Variants in KLF8 observed in about 807,000 individuals in gnomAD.
KLF8 encodes the protein KLF transcription factor 8.
A neutral mutation model predicts 18.2 loss-of-function variants in KLF8; 10 were observed. That is an observed-to-expected ratio of 0.55 (90% CI 0.34 to 0.93). The LOEUF is 0.93. KLF8 is among the 40% of genes least tolerant of loss of function. The pLI is 0.02. For missense variants in KLF8, 264 were observed against 277.9 expected, an observed-to-expected ratio of 0.95 and a Z score of 0.36; for synonymous variants, 109 against 97.3, an observed-to-expected ratio of 1.12 and a Z score of -0.71.
At chrX:56,104,811 T>G in the KLF8 span, among the ~76,000 whole-genome samples, 1 of 111,624 alleles carries the variant, frequency 9.0e-6, no homozygotes, top group African/African-American at 3.3e-5. Context: ...GATGTTAGGG[T>G]GCCAATTTTA....
chrX:56,054,822 T>C, the KLF8 span, among the ~76,000 whole-genome samples: 2 of 112,235 alleles, frequency 1.8e-5, no homozygotes, highest in African/African-American at 3.2e-5. Context: ...CATTGAACCC[T>C]TTACCATCAC....
At chrX:55,989,375 C>A in the KLF8 span, among the ~76,000 whole-genome samples, 2 of 112,212 alleles carry the variant, frequency 1.8e-5, no homozygotes, top group Non-Finnish European at 3.8e-5. Flanking sequence ...GAGATAAGTC[C>A]CATCAATACC....
At chrX:56,129,265 G>T in the KLF8 span, among the ~76,000 whole-genome samples, 2 of 112,036 alleles carry the variant, frequency 1.8e-5, no homozygotes, top group South Asian at 7.5e-4. Flanking sequence ...GAATAGACCA[G>T]AAAAGCTGAG....
the KLF8 span, among the ~76,000 whole-genome samples, chrX:56,086,060 G>A: frequency 8.9e-6 from 1 of 111,747 alleles, no homozygotes; most frequent in South Asian, 3.7e-4. Flanking sequence ...CAGCAAAAGA[G>A]AACACATATT....
chrX:56,139,008 A>G, the KLF8 span, among the ~76,000 whole-genome samples: 1 of 111,198 alleles, frequency 9.0e-6, no homozygotes, highest in African/African-American at 3.3e-5. Flanking sequence ...GCATTTCTAC[A>G]CACCAAAAAC....
chrX:56,162,800 C>T, the KLF8 span, among the ~76,000 whole-genome samples: 1 of 111,282 alleles, frequency 9.0e-6, no homozygotes, highest in Admixed American at 9.6e-5. Context: ...TGACACTCCT[C>T]AGTGAGATGA....
At chrX:56,236,406 G>A (rs913734353) in intron 1 of KLF8, among the ~76,000 whole-genome samples, 2 of 111,963 alleles carry the variant, frequency 1.8e-5, no homozygotes, top group Admixed American at 9.5e-5. Context: ...CGGCATGAAA[G>A]TGAAGCAGTG....
the KLF8 span, among the ~76,000 whole-genome samples, chrX:56,002,441 G>C: frequency 9.1e-6 from 1 of 110,009 alleles, no homozygotes; most frequent in Admixed American, 9.7e-5. Flanking sequence ...GTGTGTGTGT[G>C]TGTGTGTGTG....
chrX:56,287,163 TATCTAAA>T lies in KLF8; in HGVS notation c.*2671_*2677del, dbSNP rs1453721256. Reference sequence around the variant, plus strand: ...TTGGGGTCCCTGACATCTGAGCCTTTATCTAAAAATGTTTCTGTAACATAATGACAGC... The same window carrying T: ...TTGGGGTCCCTGACATCTGAGCCTTTAATGTTTCTGTAACATAATGACAGC... On this transcript the variant is annotated 3_prime_UTR_variant, in exon 6 of 6. Transcript: ENST00000468660. 2 of 112,055 alleles carry T rather than the reference TATCTAAA, an allele frequency of 1.8e-5. No homozygotes were observed. Among genetic ancestry groups the T allele is most frequent in the African/African-American group, 6.5e-5 (2 of 30,876 alleles). The allele number at this position is 112,055 out of a possible 1,213,427, so 9.2% of individuals were successfully genotyped here. A position where few individuals can be genotyped will look rare whatever the true frequency, so the allele number is the denominator to read the frequency against.
the KLF8 span, among the ~76,000 whole-genome samples, chrX:55,989,099 G>T: frequency 2.7e-3 from 301 of 111,647 alleles, 1 homozygote; most frequent in African/African-American, 9.1e-3. Flanking sequence ...AAGGAGATTT[G>T]GGGCTGAGAC....
chrX:56,164,571 T>G, the KLF8 span, among the ~76,000 whole-genome samples: 1 of 92,536 alleles, frequency 1.1e-5, no homozygotes, highest in Admixed American at 1.4e-4. Flanking sequence ...CAAGAAGTAC[T>G]TTTTCCAGTT....
the KLF8 span, among the ~76,000 whole-genome samples, chrX:56,193,984 A>G: frequency 8.9e-6 from 1 of 112,067 alleles, no homozygotes; most frequent in Admixed American, 9.5e-5. Context: ...GATTGTTTGC[A>G]ACACAAAGGA....
chrX:56,132,649 G>T, the KLF8 span, among the ~76,000 whole-genome samples: 1 of 110,553 alleles, frequency 9.0e-6, no homozygotes, highest in Admixed American at 9.7e-5. Flanking sequence ...CCCAGAAGAA[G>T]AAAAGAAATA....
At chrX:56,050,103 C>A in the KLF8 span, among the ~76,000 whole-genome samples, 1 of 109,817 alleles carries the variant, frequency 9.1e-6, no homozygotes, top group African/African-American at 3.3e-5. Context: ...TCTGTGGGAT[C>A]GGTGGTGATA....
At chrX:56,154,451 A>G in the KLF8 span, among the ~76,000 whole-genome samples, 2 of 111,965 alleles carry the variant, frequency 1.8e-5, no homozygotes, top group South Asian at 7.4e-4. Context: ...ACAAAAATTA[A>G]TTCAAGATGG....
chrX:56,160,212 T>C, the KLF8 span, among the ~76,000 whole-genome samples: 1 of 112,095 alleles, frequency 8.9e-6, no homozygotes, highest in Non-Finnish European at 1.9e-5. Context: ...AGTGAGTTTC[T>C]TAATCCTGAG....
chrX:56,043,740 T>C, the KLF8 span, among the ~76,000 whole-genome samples: 1 of 112,415 alleles, frequency 8.9e-6, no homozygotes, highest in Admixed American at 9.4e-5. Context: ...TTGCATTGGG[T>C]TACCCCATGC....
At chrX:55,925,631 G>A in the KLF8 span, among the ~76,000 whole-genome samples, 22 of 111,696 alleles carry the variant, frequency 2.0e-4, no homozygotes, top group African/African-American at 6.8e-4. Context: ...AACATGAAGG[G>A]AAGATACCTG....
the KLF8 span, among the ~76,000 whole-genome samples, chrX:56,015,401 T>A: frequency 8.0e-5 from 9 of 112,170 alleles, no homozygotes; most frequent in Admixed American, 8.5e-4. Flanking sequence ...TCCAACTTGA[T>A]GGGTTAAAAT....
Sources: allele counts gnomAD v4.1 joint callset (sites outside exome capture counted in the v4.1 genomes callset), GRCh38; gene constraint gnomAD v4.1.1; transcripts MANE v1.5; gene names NCBI Gene and HGNC (gene_info 2026-07-23, HGNC 2026-07-21).